Variants in EFCAB13 observed in about 807,000 individuals in gnomAD.
EFCAB13 encodes EF-hand calcium-binding domain-containing protein 13.
EFCAB13 carries 91 observed loss-of-function variants against 110.2 expected under a neutral mutation model. The observed-to-expected ratio is 0.83, with a 90% confidence interval of 0.70 to 0.98. The LOEUF is 0.98. Among genes scored for constraint, EFCAB13 ranks in the 50% least tolerant of loss-of-function variants. The pLI, the probability that EFCAB13 is intolerant of heterozygous loss-of-function variation, is 0.00. For missense variants in EFCAB13, 968 were observed against 1,119.4 expected (o/e 0.86, Z 1.93); for synonymous variants, 323 against 369.9 (o/e 0.87, Z 1.45).
chr17:47,397,021 T>TCCCCCCCCC (rs2065742355), intron 17 of EFCAB13, among the ~76,000 whole-genome samples: 2 of 131,200 alleles, frequency 1.5e-5, no homozygotes, highest in African/African-American at 5.6e-5. Flanking sequence ...CCTCTCCCTC[T>TCCCCCCCCC]CCCCCTCCCC....
intron 9 of EFCAB13, among the ~76,000 whole-genome samples, chr17:47,357,854 G>T (rs1197822946): frequency 1.3e-5 from 2 of 152,106 alleles, no homozygotes; most frequent in Non-Finnish European, 2.9e-5. Flanking sequence ...GGACTAACTT[G>T]CAACTTTCAC....
At position 47,440,810 on chromosome 17, in the gene EFCAB13, C is replaced by G; in HGVS notation, c.*96C>G. On this transcript the variant is annotated 3_prime_UTR_variant, in exon 25 of 25. Coordinates refer to ENST00000331493, the MANE Select transcript of EFCAB13 (RefSeq NM_152347.5). ...AATTATTAGAAAATAATTTTTAAAACTTTTGACAAATCCAGTAGAATTTTT... is the reference window on the plus strand; with the variant it reads ...AATTATTAGAAAATAATTTTTAAAAGTTTTGACAAATCCAGTAGAATTTTT... The G allele has an allele frequency of 1.8e-6, 2 of 1,091,652 alleles. No individual in the cohort carries two copies. Among genetic ancestry groups the G allele is most frequent in the Non-Finnish European group, 2.5e-6 (2 of 795,220 alleles). The allele number at this position is 1,091,652 out of a possible 1,614,324, so 67.6% of individuals were successfully genotyped here.
chr17:47,334,622 G>C (rs2065338522), intron 4 of EFCAB13, among the ~76,000 whole-genome samples: 1 of 152,148 alleles, frequency 6.6e-6, no homozygotes, highest in East Asian at 1.9e-4. Flanking sequence ...GATGCCTTAA[G>C]AGCTAGATCC....
At chr17:47,335,123 T>C (rs1333635087) in intron 4 of EFCAB13, 73 bp from the exon 5 acceptor site, 2 of 1,408,412 alleles carry the variant, frequency 1.4e-6, no homozygotes, top group African/African-American at 1.5e-5. Flanking sequence ...AAATGAATGA[T>C]TGACCCAGAA....
intron 23 of EFCAB13, among the ~76,000 whole-genome samples, chr17:47,426,688 CAGAAAAAA>C (rs1904973451): frequency 6.6e-6 from 1 of 151,688 alleles, no homozygotes; most frequent in South Asian, 2.1e-4. Flanking sequence ...CCCTTTTATA[CAGAAAAAA>C]AGAAAAAAGT....
chr17:47,335,463 G>A (rs1188042515), intron 5 of EFCAB13, 107 bp downstream of exon 5: 11 of 851,512 alleles, frequency 1.3e-5, no homozygotes, highest in Admixed American at 6.6e-5. Flanking sequence ...CATGTGTATA[G>A]GATCATGCAT....
At chr17:47,346,048 T>C (rs1379604281) in intron 8 of EFCAB13, among the ~76,000 whole-genome samples, 2 of 152,120 alleles carry the variant, frequency 1.3e-5, no homozygotes, top group African/African-American at 4.8e-5. Context: ...AAAAATTTTA[T>C]TGTGGTAAAA....
At chr17:47,345,169 T>C (rs766150291) in intron 8 of EFCAB13, 71 bp downstream of exon 8, 72 of 1,067,910 alleles carry the variant, frequency 6.7e-5, no homozygotes, top group Non-Finnish European at 9.1e-5. Flanking sequence ...GTTTCAGCAG[T>C]TAGTGCCTCT....
intron 20 of EFCAB13, 48 bp downstream of exon 20, chr17:47,404,681 A>G: frequency 7.0e-7 from 1 of 1,420,152 alleles, no homozygotes; most frequent in East Asian, 2.3e-5. Context: ...TACAGAACTT[A>G]TTCAAAGTTC....
chr17:47,361,535 A>T lies in EFCAB13; in HGVS notation c.805+14A>T. 1 of 1,591,200 alleles carries T rather than the reference A, an allele frequency of 6.3e-7. No individual in the cohort carries two copies. Among genetic ancestry groups the T allele is most frequent in the South Asian group, 1.1e-5 (1 of 90,128 alleles). ...CCTATATTGACAGTGAGTTATTTGCATTGAGATATATATGTCCATATATAT... is the reference window on the plus strand; with the variant it reads ...CCTATATTGACAGTGAGTTATTTGCTTTGAGATATATATGTCCATATATAT... On this transcript the variant is annotated intron_variant, in intron 10 of 24. Transcript: ENST00000331493.
In EFCAB13 at chr17:47,433,358, T is replaced by TAAA. The variant is rs574931424; in HGVS notation, c.2638+3398_2638+3400dup. ...TGGTGTCTGCCATATTTTTTCGTCGTAAAGTTACTGTTTTTCCTTCTTTCA... is the reference window on the plus strand; with the variant it reads ...TGGTGTCTGCCATATTTTTTCGTCGTAAAAAAGTTACTGTTTTTCCTTCTTTCA... On this transcript the variant is annotated intron_variant, in intron 24 of 24. Coordinates refer to ENST00000331493, the MANE Select transcript of EFCAB13 (RefSeq NM_152347.5). Among the ~76,000 whole-genome samples, 472 of 152,312 alleles carry TAAA rather than the reference T, an allele frequency of 3.1e-3. 2 individuals are homozygous for TAAA. The highest frequency in any genetic ancestry group is 0.011 in the African/African-American group (456 of 41,566).
intron 17 of EFCAB13, among the ~76,000 whole-genome samples, chr17:47,400,166 C>T (rs936706104): frequency 6.6e-6 from 1 of 152,164 alleles, no homozygotes; most frequent in Non-Finnish European, 1.5e-5. Flanking sequence ...ACTTTGTTTT[C>T]TTTTCGGCTT....
chr17:47,391,378 A>G (rs926561294), intron 14 of EFCAB13, 59 bp from the exon 15 acceptor site: 11 of 1,288,262 alleles, frequency 8.5e-6, no homozygotes, highest in Non-Finnish European at 1.0e-5. Context: ...TCATCTTGTT[A>G]GTGGTGTTTT....
chr17:47,374,148 A>G (rs1315083640), intron 11 of EFCAB13, among the ~76,000 whole-genome samples: 1 of 152,164 alleles, frequency 6.6e-6, no homozygotes, highest in Non-Finnish European at 1.5e-5. Flanking sequence ...TATCTGTATT[A>G]GCTTATTAAT....
chr17:47,391,616 C>T (rs1225441525), intron 15 of EFCAB13, 36 bp downstream of exon 15: 1 of 1,503,064 alleles, frequency 6.7e-7, no homozygotes, highest in Non-Finnish European at 8.8e-7. Flanking sequence ...TGCATTGACA[C>T]ATCTGGAAGG....
At chr17:47,344,986 C>T (rs773165835) in intron 7 of EFCAB13, 30 bp from the exon 8 acceptor site, 26 of 1,536,612 alleles carry the variant, frequency 1.7e-5, no homozygotes, top group Non-Finnish European at 2.1e-5. Flanking sequence ...TTTTCATTGC[C>T]ACTTTCTAAT....
At chr17:47,399,958 T>G (rs1004580069) in intron 17 of EFCAB13, among the ~76,000 whole-genome samples, 1 of 152,152 alleles carries the variant, frequency 6.6e-6, no homozygotes, top group African/African-American at 2.4e-5. Context: ...ATGGTCAAGG[T>G]GAATGTGAGA....
At chr17:47,339,074 A>AT (rs2065368891) in intron 5 of EFCAB13, among the ~76,000 whole-genome samples, 1 of 152,056 alleles carries the variant, frequency 6.6e-6, no homozygotes, top group Admixed American at 6.5e-5. Flanking sequence ...ATTATAATAT[A>AT]TTTTTTTATG....
At chr17:47,334,075 A>G (rs887753776) in intron 4 of EFCAB13, among the ~76,000 whole-genome samples, 1 of 151,418 alleles carries the variant, frequency 6.6e-6, no homozygotes, top group African/African-American at 2.4e-5. Context: ...AACTTGGGCT[A>G]TTTTCTCATT....
Sources: gnomAD v4.1 joint callset for allele counts (sites outside exome capture counted in the v4.1 genomes callset) on GRCh38, gnomAD v4.1.1 for gene constraint, MANE v1.5 for transcripts, NCBI Gene and HGNC (gene_info 2026-07-23, HGNC 2026-07-21) for gene names.